PHC2: variants seen among roughly 807,000 people sequenced by gnomAD.
The protein encoded by PHC2 is polyhomeotic homolog 2.
Under a neutral mutation model 87.4 loss-of-function variants are expected in PHC2, and 29 were observed. That is an observed-to-expected ratio of 0.33 (90% confidence interval 0.25 to 0.45). The LOEUF (loss-of-function observed/expected upper bound fraction) is 0.45. Ranked by LOEUF, PHC2 falls within the 20% of genes least tolerant of loss-of-function variation. The pLI, the probability that PHC2 is intolerant of heterozygous loss-of-function variation, is 1.00. For missense variants in PHC2, 857 were observed against 1,136.7 expected, an observed-to-expected ratio of 0.75 and a Z score of 3.54; for synonymous variants, 438 against 461.7, an observed-to-expected ratio of 0.95 and a Z score of 0.66.
intron 1 of PHC2, among the ~76,000 whole-genome samples, chr1:33,420,508 G>A (rs1482951640): frequency 6.6e-6 from 1 of 152,128 alleles, no homozygotes; most frequent in Non-Finnish European, 1.5e-5. Context: ...AAGCCTGCAT[G>A]TTCACCCTAC....
chr1:33,340,184 T>C (rs1646716792), intron 9 of PHC2, among the ~76,000 whole-genome samples: 1 of 152,214 alleles, frequency 6.6e-6, no homozygotes, highest in South Asian at 2.1e-4. Flanking sequence ...AGTAGGAGTA[T>C]GACAGAGCTA....
In PHC2 at chr1:33,405,002, T is replaced by C. The variant is rs571382891; in HGVS notation, c.-55+25974A>G. 3.9e-5 allele frequency among the ~76,000 whole-genome samples: 6 copies of C among 152,204 alleles called. No individual in the cohort carries two copies. In the South Asian group the frequency reaches 1.0e-3, roughly 26 times the overall value. On this transcript the variant is annotated intron_variant, in intron 1 of 14. Coordinates refer to ENST00000683057, the MANE Select transcript of PHC2 (RefSeq NM_001385109.1). ...AGAAAACTGTATAAAATGAGATGAA[T>C]GTATGAATTAGATGAGACAGGGCTT...
chr1:33,378,968 C>T (rs929143532), intron 1 of PHC2, among the ~76,000 whole-genome samples: 1 of 151,962 alleles, frequency 6.6e-6, no homozygotes, highest in Non-Finnish European at 1.5e-5. Context: ...TTGCTATCTC[C>T]CCAGTACTGC....
At chr1:33,427,452 CTT>C (rs1439178868) in intron 1 of PHC2, among the ~76,000 whole-genome samples, 1 of 152,160 alleles carries the variant, frequency 6.6e-6, no homozygotes, top group Non-Finnish European at 1.5e-5. Flanking sequence ...TCACTAATCA[CTT>C]TTCTATTTCT....
chr1:33,383,697 G>A (rs564914018), intron 1 of PHC2, among the ~76,000 whole-genome samples: 4 of 152,336 alleles, frequency 2.6e-5, no homozygotes, highest in South Asian at 2.1e-4. Flanking sequence ...ACTCACTGCT[G>A]TAAGGCAGAG....
At chr1:33,398,703 A>G (rs931559969) in intron 1 of PHC2, among the ~76,000 whole-genome samples, 4 of 152,214 alleles carry the variant, frequency 2.6e-5, no homozygotes, top group Non-Finnish European at 4.4e-5. Context: ...GTACCTGCTG[A>G]ACGAGGGGCT....
At chr1:33,372,694 G>A (rs912164007) in intron 2 of PHC2, among the ~76,000 whole-genome samples, 2 of 152,190 alleles carry the variant, frequency 1.3e-5, no homozygotes, top group Non-Finnish European at 2.9e-5. Flanking sequence ...AGCACGGCCT[G>A]CTCCTGCATC....
At chr1:33,361,852 A>C (rs1023423640) in intron 7 of PHC2, among the ~76,000 whole-genome samples, 8 of 152,204 alleles carry the variant, frequency 5.3e-5, no homozygotes, top group Admixed American at 5.2e-4. Flanking sequence ...GGAATGAGGG[A>C]GGGCTTTCTC....
chr1:33,333,125 G>C (rs4652845), intron 10 of PHC2: 65,175 of 152,116 alleles, frequency 0.43, 16,632 homozygotes, highest in African/African-American at 0.73. Flanking sequence ...ACAGGGAAGG[G>C]ATGTAACAGA....
chr1:33,346,652 T>G, intron 9 of PHC2: 1 of 985,414 alleles, frequency 1.0e-6, no homozygotes, highest in Non-Finnish European at 1.2e-6. Context: ...TCCCTAGGTT[T>G]TTTAAACTTT....
chr1:33,369,596 A>G lies in PHC2; in HGVS notation c.576+825T>C, dbSNP rs866131655. On this transcript the variant is annotated intron_variant, in intron 5 of 14. Coordinates refer to ENST00000683057, the MANE Select transcript of PHC2 (RefSeq NM_001385109.1). This position sits in a 1 kb window ranked among gnomAD's most constrained non-coding sequence, Gnocchi z 4.7. ...AATGATGAACTCAGAGCCAAGAACA[A>G]ATGTGCGGGAGCAAGACCAGACAAG... 7.9e-5 allele frequency among the ~76,000 whole-genome samples: 12 copies of G among 152,178 alleles called. No individual in the cohort carries two copies. The highest frequency in any genetic ancestry group is 2.7e-4 in the African/African-American group (11 of 41,434).
chr1:33,345,680 A>C (rs964612653), intron 9 of PHC2: 3 of 984,874 alleles, frequency 3.0e-6, no homozygotes, highest in Non-Finnish European at 3.6e-6. Flanking sequence ...CCATTTCTTG[A>C]CCATGTCATT....
intron 9 of PHC2, among the ~76,000 whole-genome samples, chr1:33,352,671 C>G (rs920644639): frequency 6.6e-6 from 1 of 152,138 alleles, no homozygotes; most frequent in African/African-American, 2.4e-5. Flanking sequence ...AAGACGAAAC[C>G]TCAGAAACAA....
At chr1:33,335,143 C>T (rs1213933360) in intron 9 of PHC2, 14 of 974,896 alleles carry the variant, frequency 1.4e-5, no homozygotes, top group Non-Finnish European at 1.6e-5. Context: ...TAACAGAGTG[C>T]TCCAGAAAGT....
chr1:33,429,920 T>G lies in PHC2; in HGVS notation c.-55+1056A>C, dbSNP rs189031795. 5.8e-4 allele frequency among the ~76,000 whole-genome samples: 89 copies of G among 152,354 alleles called. No homozygotes were observed. The East Asian group carries it at 0.016, about 28-fold the overall frequency. ...TATCACGGGCGCATTAGCCGATTTT[T>G]CATCCCCACTGGTGATAGAAATATT... is the stretch of plus-strand genomic sequence containing the variant. On this transcript the variant is annotated intron_variant, in intron 1 of 14. Transcript: ENST00000683057.
At chr1:33,391,309 A>G (rs571591478) in intron 1 of PHC2, among the ~76,000 whole-genome samples, 14 of 152,344 alleles carry the variant, frequency 9.2e-5, no homozygotes, top group African/African-American at 3.4e-4. Context: ...AAAGGTAATG[A>G]AAGTCGCCAC....
chr1:33,371,884 A>G (rs966359263), intron 3 of PHC2, among the ~76,000 whole-genome samples: 1 of 152,232 alleles, frequency 6.6e-6, no homozygotes. Context: ...GGTACATAAA[A>G]TGTTTTTCTG....
chr1:33,399,642 C>G (rs890540787), intron 1 of PHC2, among the ~76,000 whole-genome samples: 2 of 152,150 alleles, frequency 1.3e-5, no homozygotes, highest in South Asian at 2.1e-4. Flanking sequence ...GACCATGACT[C>G]AAATCCACTC....
chr1:33,368,436 C>T lies in PHC2; in HGVS notation c.663+100G>A, dbSNP rs1647613739. On this transcript the variant is annotated intron_variant, in intron 6 of 14. Coordinates refer to ENST00000683057, the MANE Select transcript of PHC2 (RefSeq NM_001385109.1). This position sits in a 1 kb window ranked among gnomAD's most constrained non-coding sequence, Gnocchi z 6.6. Reference sequence around the variant, plus strand: ...GGGTGTCCTGTCTCCCGCCTGCTTTCCTAGCTGATCCCGGCCTCTCCTTGT... The same window carrying T: ...GGGTGTCCTGTCTCCCGCCTGCTTTTCTAGCTGATCCCGGCCTCTCCTTGT... 1.5e-6 allele frequency: 1 copy of T among 662,106 alleles called. No homozygotes were observed. The highest frequency in any genetic ancestry group is 2.8e-5 in the Admixed American group (1 of 35,232). The allele number at this position is 662,106 out of a possible 1,614,324, so 41.0% of individuals were successfully genotyped here. A position where few individuals can be genotyped will look rare whatever the true frequency, so the allele number is the denominator to read the frequency against.
Sources: gnomAD v4.1 joint callset for allele counts (sites outside exome capture counted in the v4.1 genomes callset) on GRCh38, gnomAD v4.1.1 for gene constraint, Gnocchi (gnomAD v3.1) non-coding constraint, MANE v1.5 for transcripts, NCBI Gene and HGNC (gene_info 2026-07-23, HGNC 2026-07-21) for gene names.